Variants in ARHGEF37 observed in about 807,000 individuals in gnomAD.
ARHGEF37 encodes Rho guanine nucleotide exchange factor (GEF) 37.
Under a neutral mutation model 71.1 loss-of-function variants are expected in ARHGEF37, and 55 were observed. The ratio of observed to expected loss-of-function variants is 0.77; its 90% CI spans 0.62 to 0.97. The LOEUF is 0.97. ARHGEF37 is among the 50% of genes least tolerant of loss of function. The pLI, the probability that ARHGEF37 is intolerant of heterozygous loss-of-function variation, is 0.00. For missense variants in ARHGEF37, 765 were observed against 836.8 expected (o/e 0.91, Z 1.06); for synonymous variants, 327 against 350.6 (o/e 0.93, Z 0.75).
intron 3 of ARHGEF37, among the ~76,000 whole-genome samples, chr5:149,606,105 A>G (rs1261882204): frequency 6.6e-6 from 1 of 152,182 alleles, no homozygotes; most frequent in Non-Finnish European, 1.5e-5. Flanking sequence ...GCCTCTGGCC[A>G]CACTGGTATG....
At chr5:149,579,023 T>C (rs1276769186), upstream of ARHGEF37, among the ~76,000 whole-genome samples, 1 of 152,186 alleles carries the variant, frequency 6.6e-6, no homozygotes, top group East Asian at 1.9e-4. Context: ...TTTGGTCTCC[T>C]TAAATTGCCA....
chr5:149,626,212 C>A (rs944404111), intron 10 of ARHGEF37, among the ~76,000 whole-genome samples: 8 of 150,764 alleles, frequency 5.3e-5, no homozygotes, highest in African/African-American at 2.0e-4. Context: ...AGCACCTCCC[C>A]ACAAGGAGTA....
intron 11 of ARHGEF37, 38 bp from the exon 12 acceptor site, chr5:149,628,771 G>T (rs1441795265): frequency 6.3e-7 from 1 of 1,583,292 alleles, no homozygotes; most frequent in East Asian, 2.3e-5. Flanking sequence ...GGACGGGAAG[G>T]TGGCCCGCAG....
At chr5:149,554,116 C>T (rs924982903) in intron 1 of ARHGEF37, among the ~76,000 whole-genome samples, 5 of 152,010 alleles carry the variant, frequency 3.3e-5, no homozygotes, top group African/African-American at 9.7e-5. Context: ...TGCAGTGAGC[C>T]GAGATTGTGC....
In ARHGEF37 at chr5:149,609,592, A is replaced by G; in HGVS notation, c.355A>G (p.Lys119Glu). The change falls in exon 4 of 13, where the codon AAG becomes GAG. Residue 119 changes from lysine to glutamate, a missense_variant. Coordinates refer to ENST00000333677, the MANE Select transcript of ARHGEF37 (RefSeq NM_001001669.3). ...EFQEELEQVYKVYCASYDQAL... is the reference protein window; with the variant it reads ...EFQEELEQVYEVYCASYDQAL... The stretch of plus-strand genomic sequence containing the variant: ...CCAAGAGGAGTTGGAGCAAGTCTAT[A>G]AGGTCTACTGTGCCAGCTACGACCA... 2 of 1,614,026 alleles carry G rather than the reference A, an allele frequency of 1.2e-6. No homozygotes were observed. Among genetic ancestry groups the G allele is most frequent in the Non-Finnish European group, 1.7e-6 (2 of 1,180,030 alleles).
intron 1 of ARHGEF37, among the ~76,000 whole-genome samples, chr5:149,553,322 C>G: frequency 6.6e-6 from 1 of 152,174 alleles, no homozygotes; most frequent in South Asian, 2.1e-4. Context: ...ATCGCTTGAA[C>G]CTGGGAGGCA....
At chr5:149,609,171 C>A (rs1036391943) in intron 3 of ARHGEF37, among the ~76,000 whole-genome samples, 3 of 152,008 alleles carry the variant, frequency 2.0e-5, no homozygotes, top group African/African-American at 7.2e-5. Context: ...GGGACAAGAG[C>A]AAGACTCTAT....
chr5:149,577,540 T>C (rs2113255330), upstream of ARHGEF37, among the ~76,000 whole-genome samples: 1 of 152,298 alleles, frequency 6.6e-6, no homozygotes, highest in East Asian at 1.9e-4. Context: ...AAAAATGGTA[T>C]GGGAAGAAAG....
At chr5:149,585,256 C>G (rs923554715) in intron 1 of ARHGEF37, among the ~76,000 whole-genome samples, 2 of 152,164 alleles carry the variant, frequency 1.3e-5, no homozygotes, top group African/African-American at 4.8e-5. Context: ...ACACACTTAA[C>G]TTATAAAGTT....
At chr5:149,611,691 A>G (rs1415474699) in intron 4 of ARHGEF37, among the ~76,000 whole-genome samples, 1 of 152,230 alleles carries the variant, frequency 6.6e-6, no homozygotes, top group Non-Finnish European at 1.5e-5. Context: ...GATTCATTGC[A>G]CACGAGTGAC....
At chr5:149,622,385 A>T (rs1362656808) in intron 9 of ARHGEF37, among the ~76,000 whole-genome samples, 2 of 152,160 alleles carry the variant, frequency 1.3e-5, no homozygotes, top group Non-Finnish European at 2.9e-5. Flanking sequence ...GAAGTTGATG[A>T]CAGAGACAGA....
intron 2 of ARHGEF37, among the ~76,000 whole-genome samples, chr5:149,599,479 A>G (rs982060264): frequency 2.1e-5 from 2 of 94,380 alleles, no homozygotes; most frequent in Admixed American, 9.4e-5. Context: ...GTCTCACTAC[A>G]TTGCCCAGAC....
At chr5:149,609,476 T>C in intron 3 of ARHGEF37, 72 bp from the exon 4 acceptor site, 1 of 1,553,842 alleles carries the variant, frequency 6.4e-7, no homozygotes, top group Non-Finnish European at 8.8e-7. Context: ...GTTTACTTAC[T>C]GCCTCCCTGT....
chr5:149,556,863 A>G (rs1021276876), intron 1 of ARHGEF37, among the ~76,000 whole-genome samples: 6 of 152,216 alleles, frequency 3.9e-5, no homozygotes, highest in Admixed American at 1.3e-4. Flanking sequence ...AATCAGCATC[A>G]GATAAGGGAA....
chr5:149,600,601 C>G (rs1292211308), intron 2 of ARHGEF37, among the ~76,000 whole-genome samples: 2 of 152,072 alleles, frequency 1.3e-5, no homozygotes, highest in Non-Finnish European at 2.9e-5. Context: ...CCACTGAGTA[C>G]TCCGTCTGTT....
chr5:149,611,251 G>C (rs1764069745), intron 4 of ARHGEF37, among the ~76,000 whole-genome samples: 1 of 152,228 alleles, frequency 6.6e-6, no homozygotes, highest in African/African-American at 2.4e-5. Context: ...CTTGGTAGCA[G>C]GAGCTTCATA....
At chr5:149,573,624 T>C (rs1762995656) in intron 1 of ARHGEF37, among the ~76,000 whole-genome samples, 1 of 152,156 alleles carries the variant, frequency 6.6e-6, no homozygotes, top group Non-Finnish European at 1.5e-5. Context: ...TTTATTGACT[T>C]TACCTCCTTC....
chr5:149,620,402 G>A lies in ARHGEF37; in HGVS notation c.943G>A (p.Gly315Arg), dbSNP rs754226747. ...PHEYNLDIPEGPAVQYCNLAR... is the reference protein window; with the variant it reads ...PHEYNLDIPERPAVQYCNLAR... ...CGAATACAATCTGGACATCCCCGAG[G>A]GGCCTGCAGTGCAGTATTGCAATTT... is the stretch of plus-strand genomic sequence containing the variant. Residue 315 changes from glycine to arginine, a missense_variant, in exon 8 of 13, where the codon GGG becomes AGG. Around this residue, in one of 5 missense-constraint regions of ARHGEF37, gnomAD observed 167 missense variants for 173.3 expected, o/e 0.96. Coordinates refer to ENST00000333677, the MANE Select transcript of ARHGEF37 (RefSeq NM_001001669.3). 3 of 1,612,356 alleles carry A rather than the reference G, an allele frequency of 1.9e-6. No individual in the cohort carries two copies. The highest frequency in any genetic ancestry group is 2.2e-5 in the South Asian group (2 of 90,800).
At chr5:149,629,781 A>G (rs1336227806) in intron 12 of ARHGEF37, among the ~76,000 whole-genome samples, 1 of 152,252 alleles carries the variant, frequency 6.6e-6, no homozygotes, top group Non-Finnish European at 1.5e-5. Flanking sequence ...GCCAAAAAGT[A>G]GAAACAACCC....
Sources: allele counts gnomAD v4.1 joint callset (sites outside exome capture counted in the v4.1 genomes callset), GRCh38; gene constraint gnomAD v4.1.1; regional missense constraint gnomAD v4.1.1; transcripts MANE v1.5; gene names NCBI Gene and HGNC (gene_info 2026-07-23, HGNC 2026-07-21).